Variants in SUMF1 observed in about 807,000 individuals in gnomAD.
The protein encoded by SUMF1 is formylglycine-generating enzyme.
SUMF1 carries 48 observed loss-of-function variants against 47.6 expected under a neutral mutation model. The ratio of observed to expected loss-of-function variants is 1.01; its 90% CI spans 0.80 to 1.28. The LOEUF (loss-of-function observed/expected upper bound fraction) is 1.28, where lower values mean the gene tolerates loss of function less well. Ranked by LOEUF, SUMF1 falls within the 50% of genes most tolerant of loss-of-function variation. The pLI, the probability that SUMF1 is intolerant of heterozygous loss-of-function variation, is 0.00. For missense variants in SUMF1, 571 were observed against 485.4 expected (o/e 1.18, Z -1.66); for synonymous variants, 230 against 192.1 (o/e 1.20, Z -1.63).
chr3:4,178,396 T>G (rs368052909), intron 8 of SUMF1, among the ~76,000 whole-genome samples: 2 of 152,288 alleles, frequency 1.3e-5, no homozygotes, highest in African/African-American at 4.8e-5. Flanking sequence ...CATACACAAA[T>G]GAATAAATGT....
chr3:4,144,048 T>C (rs1281043629), intron 8 of SUMF1, among the ~76,000 whole-genome samples: 1 of 149,464 alleles, frequency 6.7e-6, no homozygotes, highest in Non-Finnish European at 1.5e-5. Context: ...TGGAGTGTAG[T>C]GGCCCGATCT....
intron 9 of SUMF1, among the ~76,000 whole-genome samples, chr3:4,047,182 A>G (rs1197607914): frequency 6.6e-6 from 1 of 152,078 alleles, no homozygotes; most frequent in Non-Finnish European, 1.5e-5. Context: ...TTTGACTACC[A>G]TATATCAAAT....
rs548291460 is a variant in SUMF1 at position 4,048,999 on chromosome 3, T to G, written c.1191+19570A>C. ...CCTTGGATTTAATTATAGAATAAGA[T>G]GACCACAGAAGAGTTTTCTAACCTA... On this transcript the variant is annotated intron_variant and NMD_transcript_variant, in intron 9 of 12. Transcript: ENST00000448413. Among the ~76,000 whole-genome samples, 33 of 152,288 alleles carry G rather than the reference T, an allele frequency of 2.2e-4. No homozygotes were observed. The South Asian group carries it at 6.4e-3, about 30-fold the overall frequency.
intron 1 of SUMF1, among the ~76,000 whole-genome samples, chr3:4,460,272 G>A (rs535486009): frequency 1.4e-4 from 22 of 152,194 alleles, no homozygotes; most frequent in Non-Finnish European, 2.4e-4. Context: ...AAGTTACTGG[G>A]TAAATGAGAA....
chr3:4,217,513 T>TA (rs200461780), intron 8 of SUMF1, among the ~76,000 whole-genome samples: 3,317 of 72,482 alleles, frequency 0.046, 783 homozygotes, highest in African/African-American at 0.2. Context: ...TAAAGTATTT[T>TA]TTATATATAT....
At chr3:4,187,730 ATG>A (rs1695231690) in intron 8 of SUMF1, among the ~76,000 whole-genome samples, 1 of 152,210 alleles carries the variant, frequency 6.6e-6, no homozygotes, top group Non-Finnish European at 1.5e-5. Flanking sequence ...ATGTTTGCAT[ATG>A]TGTGTCAATA....
Position 4,376,317 on chromosome 3 carries a change from T to G in SUMF1, c.1014+13A>C, listed in dbSNP as rs1559256895. 2.5e-6 allele frequency: 4 copies of G among 1,614,136 alleles called. No individual in the cohort carries two copies. In the East Asian group the frequency reaches 6.7e-5, roughly 27 times the overall value. On this transcript the variant is annotated intron_variant, in intron 8 of 8. Transcript: ENST00000272902. ...GAACAAGAACGGCAAAACAGTTTAG[T>G]GACATGACTTACCCTATGGCACATG...
At chr3:4,456,648 ATATG>A (rs1301498155) in intron 1 of SUMF1, among the ~76,000 whole-genome samples, 4 of 143,588 alleles carry the variant, frequency 2.8e-5, no homozygotes, top group Admixed American at 1.4e-4. Context: ...GTATATATAT[ATATG>A]TGTGTGTATA....
At chr3:4,206,464 GC>G (rs1166281554) in intron 8 of SUMF1, among the ~76,000 whole-genome samples, 3 of 152,088 alleles carry the variant, frequency 2.0e-5, no homozygotes, top group Non-Finnish European at 4.4e-5. Flanking sequence ...GGTGAATTCT[GC>G]CCTTCACTGT....
intron 8 of SUMF1, among the ~76,000 whole-genome samples, chr3:4,372,782 A>C (rs970823393): frequency 6.6e-6 from 1 of 152,244 alleles, no homozygotes; most frequent in Non-Finnish European, 1.5e-5. Flanking sequence ...TCCCTAATCC[A>C]CATCTCAATA....
chr3:4,142,367 A>T (rs1171469716), intron 8 of SUMF1, among the ~76,000 whole-genome samples: 5 of 152,182 alleles, frequency 3.3e-5, no homozygotes, highest in African/African-American at 1.2e-4. Flanking sequence ...TGTTTAACAC[A>T]TATTGCTGTA....
chr3:4,371,506 C>A (rs770885889), intron 8 of SUMF1, among the ~76,000 whole-genome samples: 3 of 152,178 alleles, frequency 2.0e-5, no homozygotes, highest in Non-Finnish European at 2.9e-5. Flanking sequence ...TAAACGAAAT[C>A]ATTATAGAGA....
At chr3:4,336,415 A>G (rs1049061380) in intron 8 of SUMF1, among the ~76,000 whole-genome samples, 3 of 152,156 alleles carry the variant, frequency 2.0e-5, no homozygotes, top group African/African-American at 7.2e-5. Flanking sequence ...TTTACATAAG[A>G]TAAAGTAAGC....
chr3:4,134,355 T>A (rs1693868682), intron 8 of SUMF1, among the ~76,000 whole-genome samples: 1 of 152,014 alleles, frequency 6.6e-6, no homozygotes, highest in Admixed American at 6.6e-5. Flanking sequence ...GAACAACCTG[T>A]CCCTGAATGA....
chr3:4,239,180 T>C (rs1173099149), intron 8 of SUMF1, among the ~76,000 whole-genome samples: 1 of 152,154 alleles, frequency 6.6e-6, no homozygotes, highest in Non-Finnish European at 1.5e-5. Context: ...TACTGTAGCC[T>C]TTTAATATAG....
intron 8 of SUMF1, chr3:4,314,020 A>C: frequency 1.7e-6 from 1 of 591,420 alleles, no homozygotes; most frequent in Admixed American, 3.4e-5. Context: ...AAAAATGACA[A>C]GTCCTTAAAT....
At chr3:4,372,023 G>A (rs1700183094) in intron 8 of SUMF1, among the ~76,000 whole-genome samples, 1 of 152,176 alleles carries the variant, frequency 6.6e-6, no homozygotes, top group Admixed American at 6.5e-5. Context: ...CTTTAGCCAG[G>A]CAGGCCGGGC....
chr3:4,427,575 C>T (rs566627770), intron 3 of SUMF1, among the ~76,000 whole-genome samples: 1 of 152,346 alleles, frequency 6.6e-6, no homozygotes, highest in South Asian at 2.1e-4. Flanking sequence ...AATCCTAAAT[C>T]AGGTACCCTG....
At chr3:4,233,944 C>G (rs1416325072) in intron 8 of SUMF1, among the ~76,000 whole-genome samples, 1 of 152,036 alleles carries the variant, frequency 6.6e-6, no homozygotes, top group Non-Finnish European at 1.5e-5. Flanking sequence ...GACTAGGTCA[C>G]ACTTACCTAA....
Sources: allele counts gnomAD v4.1 joint callset (sites outside exome capture counted in the v4.1 genomes callset), GRCh38; gene constraint gnomAD v4.1.1; transcripts MANE v1.5; gene names NCBI Gene and HGNC (gene_info 2026-07-23, HGNC 2026-07-21).